Variants in CLDN14 observed in about 807,000 individuals in gnomAD.
CLDN14 encodes claudin-14.
CLDN14 carries 2 observed loss-of-function variants against 2.1 expected under a neutral mutation model. The ratio of observed to expected loss-of-function variants is 0.96; its 90% CI spans 0.39 to 3.01. The LOEUF (loss-of-function observed/expected upper bound fraction) is 3.01, where lower values mean the gene tolerates loss of function less well. CLDN14 is among the 30% of genes most tolerant of loss of function. The pLI is 0.09. For synonymous variants in CLDN14, 136 were observed against 154.4 expected, an observed-to-expected ratio of 0.88 and a Z score of 0.88; for missense variants, 298 against 328.0, an observed-to-expected ratio of 0.91 and a Z score of 0.71.
At chr21:36,534,950 C>T (rs879583831) in intron 1 of CLDN14, among the ~76,000 whole-genome samples, 4 of 152,126 alleles carry the variant, frequency 2.6e-5, no homozygotes, top group Admixed American at 2.0e-4. Context: ...TGTGGCAAGC[C>T]ATTGATCTTA....
intron 2 of CLDN14, chr21:36,487,328 G>T: frequency 4.2e-6 from 1 of 235,650 alleles, no homozygotes; most frequent in South Asian, 6.0e-5. Context: ...CGTCTTGCTG[G>T]GCCTGCAGCT....
intron 1 of CLDN14, 89 bp downstream of exon 1, chr21:36,479,406 C>T (rs1183092815): frequency 6.6e-6 from 1 of 152,336 alleles, no homozygotes; most frequent in East Asian, 1.9e-4. Context: ...GCATGCACAT[C>T]TAACCGGCAG....
chr21:36,554,555 G>A (rs1202164048), intron 1 of CLDN14, among the ~76,000 whole-genome samples: 1 of 152,198 alleles, frequency 6.6e-6, no homozygotes, highest in Non-Finnish European at 1.5e-5. Flanking sequence ...GTGCAAGATG[G>A]ATACTATAAT....
chr21:36,490,983 CACACA>C (rs1568856341), intron 2 of CLDN14, among the ~76,000 whole-genome samples: 13 of 151,432 alleles, frequency 8.6e-5, no homozygotes, highest in African/African-American at 2.2e-4. Flanking sequence ...CACACACACA[CACACA>C]CCCCTGGACA....
At chr21:36,541,501 G>A (rs2087488008) in intron 1 of CLDN14, among the ~76,000 whole-genome samples, 1 of 152,148 alleles carries the variant, frequency 6.6e-6, no homozygotes, top group Non-Finnish European at 1.5e-5. Context: ...GGAAAGTTGA[G>A]TTTTATAAAG....
intron 1 of CLDN14, among the ~76,000 whole-genome samples, chr21:36,565,140 G>A (rs917819164): frequency 2.0e-5 from 3 of 152,220 alleles, no homozygotes; most frequent in African/African-American, 4.8e-5. Context: ...ATTGACACAA[G>A]TTACACAAGC....
chr21:36,539,484 A>ATG (rs374017154), intron 1 of CLDN14, among the ~76,000 whole-genome samples: 20 of 62,966 alleles, frequency 3.2e-4, no homozygotes, highest in Non-Finnish European at 3.4e-5. Context: ...TGTGTGGGGA[A>ATG]TGTGTGTGTG....
chr21:36,502,413 T>C (rs953636095), intron 2 of CLDN14, among the ~76,000 whole-genome samples: 1 of 152,210 alleles, frequency 6.6e-6, no homozygotes, highest in Non-Finnish European at 1.5e-5. Context: ...CTCTGTAGTA[T>C]GCTTAGGGGT....
intron 1 of CLDN14, among the ~76,000 whole-genome samples, chr21:36,562,382 A>G (rs1601637910): frequency 1.3e-5 from 2 of 152,190 alleles, no homozygotes; most frequent in African/African-American, 2.4e-5. Context: ...AGGAAACAGG[A>G]AACACATGGG....
At chr21:36,501,331 A>ATTTTTT (rs1471992472) in intron 2 of CLDN14, among the ~76,000 whole-genome samples, 2 of 35,094 alleles carry the variant, frequency 5.7e-5, no homozygotes, top group Non-Finnish European at 1.6e-4. Flanking sequence ...TCAATATCTC[A>ATTTTTT]CTTTTTTTTT....
At chr21:36,574,975 C>A (rs2087731952) in intron 1 of CLDN14, among the ~76,000 whole-genome samples, 1 of 152,064 alleles carries the variant, frequency 6.6e-6, no homozygotes, top group African/African-American at 2.4e-5. Flanking sequence ...TTTTAAGAAA[C>A]AAAATTGCAT....
At chr21:36,522,924 T>C (rs1262912764) in intron 1 of CLDN14, among the ~76,000 whole-genome samples, 1 of 152,148 alleles carries the variant, frequency 6.6e-6, no homozygotes, top group Admixed American at 6.5e-5. Context: ...TGGTCTTTTC[T>C]GGGAGCAGAG....
At chr21:36,481,234 G>A (rs1054813599), upstream of CLDN14, among the ~76,000 whole-genome samples, 3 of 152,064 alleles carry the variant, frequency 2.0e-5, no homozygotes, top group Admixed American at 6.5e-5. Context: ...AGACCTTTTC[G>A]TTAGATCCTC....
chr21:36,539,854 AGT>A (rs1235942642), intron 1 of CLDN14, among the ~76,000 whole-genome samples: 3 of 142,296 alleles, frequency 2.1e-5, no homozygotes, highest in Non-Finnish European at 4.6e-5. Flanking sequence ...GTGCAGAGTG[AGT>A]GTGTGTGTGC....
rs2086903926 is a variant in CLDN14, at chr21:36,486,918, C to T, written c.-82+23445G>A. ...CGGTGTCTAGAGTGAGTGTGGTCAG[C>T]ACTTCACAGTCATTAGCCAGTGTGA... On this transcript the variant is annotated intron_variant, in intron 2 of 2. Coordinates refer to the CLDN14 transcript ENST00000342108. 9.9e-6 allele frequency: 6 copies of T among 608,460 alleles called. No individual in the cohort carries two copies. The Admixed American group carries it at 1.3e-4, about 13-fold the overall frequency. 37.7% of individuals were successfully genotyped at this position (608,460 alleles called of 1,614,324 possible).
chr21:36,490,995 GAC>G (rs975572897), intron 2 of CLDN14, among the ~76,000 whole-genome samples: 34 of 146,614 alleles, frequency 2.3e-4, no homozygotes, highest in African/African-American at 8.6e-4. Flanking sequence ...CACACCCCTG[GAC>G]ACACACACAT....
At chr21:36,481,233 C>T (rs1037546301), upstream of CLDN14, among the ~76,000 whole-genome samples, 1 of 152,118 alleles carries the variant, frequency 6.6e-6, no homozygotes, top group Non-Finnish European at 1.5e-5. Flanking sequence ...TAGACCTTTT[C>T]GTTAGATCCT....
chr21:36,476,507 C>T (rs983980764), intron 1 of CLDN14, among the ~76,000 whole-genome samples: 7 of 151,626 alleles, frequency 4.6e-5, no homozygotes, highest in East Asian at 1.9e-4. Flanking sequence ...GGCCGGAGCG[C>T]GGTGGTGCGA....
chr21:36,525,708 G>T (rs1436079494), intron 1 of CLDN14, among the ~76,000 whole-genome samples: 2 of 152,170 alleles, frequency 1.3e-5, no homozygotes, highest in Non-Finnish European at 2.9e-5. Flanking sequence ...TGCCCTCATG[G>T]TGAAGCCGAG....
Sources: gnomAD v4.1 joint callset for allele counts (sites outside exome capture counted in the v4.1 genomes callset) on GRCh38, gnomAD v4.1.1 for gene constraint, MANE v1.5 for transcripts, NCBI Gene and HGNC (gene_info 2026-07-23, HGNC 2026-07-21) for gene names.